NSMAF: variants seen among roughly 807,000 people sequenced by gnomAD.
NSMAF encodes protein FAN.
Under a neutral mutation model 134.9 loss-of-function variants are expected in NSMAF, and 90 were observed. The observed-to-expected ratio is 0.67, with a 90% confidence interval of 0.56 to 0.79. NSMAF has a LOEUF of 0.79. NSMAF is among the 30% of genes least tolerant of loss of function. The probability of loss-of-function intolerance (pLI) is 0.00; values close to 1 mark genes in which losing one functional copy is unlikely to be tolerated. For missense variants in NSMAF, 1,010 were observed against 1,119.0 expected, an observed-to-expected ratio of 0.90 and a Z score of 1.39; for synonymous variants, 358 against 389.6, an observed-to-expected ratio of 0.92 and a Z score of 0.96.
intron 2 of NSMAF, among the ~76,000 whole-genome samples, chr8:58,635,879 A>T (rs1807163032): frequency 6.6e-6 from 1 of 152,194 alleles, no homozygotes; most frequent in South Asian, 2.1e-4. Flanking sequence ...CAGACTGAGA[A>T]TGCCTACACT....
In NSMAF at chr8:58,623,279, A is replaced by C. The variant is rs1028071780; in HGVS notation, c.505-7T>G. 2 of 1,605,920 alleles carry C rather than the reference A, an allele frequency of 1.2e-6. No homozygotes were observed. Among genetic ancestry groups the C allele is most frequent in the South Asian group, 1.1e-5 (1 of 90,470 alleles). ...ACTGCAAAATAGCTGTTATCTATTA[A>C]AACAGAACCAGAAAAAAAGTATTTA... On this transcript the variant is annotated splice_polypyrimidine_tract_variant and splice_region_variant and intron_variant, in intron 8 of 30. Coordinates refer to ENST00000038176, the MANE Select transcript of NSMAF (RefSeq NM_003580.4).
At chr8:58,643,551 G>A (rs1293848657) in intron 1 of NSMAF, among the ~76,000 whole-genome samples, 1 of 143,996 alleles carries the variant, frequency 6.9e-6, no homozygotes, top group Non-Finnish European at 1.5e-5. Flanking sequence ...TTTTTTTTTG[G>A]GACGGAGTTT....
At chr8:58,587,499 T>G in intron 27 of NSMAF, 119 bp downstream of exon 27, 1 of 695,328 alleles carries the variant, frequency 1.4e-6, no homozygotes, top group Non-Finnish European at 2.5e-6. Context: ...AGATTTAGCC[T>G]ATAATCTTCC....
intron 1 of NSMAF, among the ~76,000 whole-genome samples, chr8:58,646,024 A>T (rs373143944): frequency 4.6e-5 from 7 of 152,284 alleles, no homozygotes; most frequent in African/African-American, 1.7e-4. Context: ...CTAGGCAACA[A>T]GAGCGAGACT....
Position 58,587,698 on chromosome 8 carries a change from A to C in NSMAF, c.2215T>G (p.Trp739Gly). The change falls in exon 27 of 31, where the codon TGG (tryptophan) becomes GGG (glycine). Residue 739 changes from tryptophan to glycine, a missense_variant. Physicochemically the swap from Trp to Gly is radical, Grantham distance 184. Transcript: ENST00000038176. ...SASWDSTVKV[W>G]SGVPAEMPGT... ...GGCATCTCTGCAGGAACACCAGACC[A>C]CACCTAGGATGGAACATATTGCAGA... is the stretch of plus-strand genomic sequence containing the variant. The C allele has an allele frequency of 1.2e-6, 2 of 1,613,854 alleles. No individual in the cohort carries two copies. The highest frequency in any genetic ancestry group is 1.7e-6 in the Non-Finnish European group (2 of 1,179,776).
At chr8:58,655,968 G>T (rs1807698508) in intron 1 of NSMAF, among the ~76,000 whole-genome samples, 1 of 151,896 alleles carries the variant, frequency 6.6e-6, no homozygotes, top group African/African-American at 2.4e-5. Context: ...ACCTGCACAG[G>T]ACATTTTTAA....
chr8:58,648,876 G>A (rs1807519238), intron 1 of NSMAF, among the ~76,000 whole-genome samples: 1 of 152,236 alleles, frequency 6.6e-6, no homozygotes, highest in Non-Finnish European at 1.5e-5. Flanking sequence ...TACAAGGATG[G>A]GGCCCATACA....
In NSMAF at chr8:58,603,650, G is replaced by A. The variant is rs143916762; in HGVS notation, c.869-264C>T. Among the ~76,000 whole-genome samples the A allele has an allele frequency of 3.9e-5, 6 of 152,202 alleles. No homozygotes were observed. The East Asian group carries it at 1.2e-3, about 29-fold the overall frequency. ...TGACATAACCTAAACAAATACAAAA[G>A]TGTAGCGCAAATATATAAATATTAC... is the stretch of plus-strand genomic sequence containing the variant. On this transcript the variant is annotated intron_variant, in intron 12 of 30. Coordinates refer to ENST00000038176, the MANE Select transcript of NSMAF (RefSeq NM_003580.4).
rs532814372 is a variant in NSMAF at position 58,623,158 on chromosome 8, T to G, written c.557+62A>C. On this transcript the variant is annotated intron_variant, in intron 9 of 30. Coordinates refer to ENST00000038176, the MANE Select transcript of NSMAF (RefSeq NM_003580.4). ...TGACAGCAGGCTTGGATTTGCTGAA[T>G]GAGGCATACAGATGAAAATGTCCAC... The G allele has an allele frequency of 1.7e-5, 21 of 1,248,908 alleles. No individual in the cohort carries two copies. In the East Asian group the frequency reaches 4.4e-4, roughly 26 times the overall value. The allele number at this position is 1,248,908 out of a possible 1,614,324, so 77.4% of individuals were successfully genotyped here.
intron 26 of NSMAF, chr8:58,588,756 C>A: frequency 7.6e-7 from 1 of 1,323,624 alleles, no homozygotes; most frequent in South Asian, 1.2e-5. Context: ...TCCTTCTTTT[C>A]TTTGTCATCT....
intron 13 of NSMAF, 57 bp from the exon 14 acceptor site, chr8:58,602,194 G>T: frequency 1.5e-6 from 2 of 1,344,762 alleles, no homozygotes; most frequent in Non-Finnish European, 2.1e-6. Flanking sequence ...TTAACCTCCT[G>T]AATTAATTCA....
chr8:58,588,244 C>T (rs976737107), intron 26 of NSMAF, among the ~76,000 whole-genome samples: 18 of 151,536 alleles, frequency 1.2e-4, no homozygotes, highest in African/African-American at 3.6e-4. Flanking sequence ...ATTCCTACAT[C>T]GAAAGAATGG....
At position 58,591,864 on chromosome 8, in the gene NSMAF, T is replaced by C. The variant is rs546309578; in HGVS notation, c.1952-930A>G. 8.5e-5 allele frequency among the ~76,000 whole-genome samples: 13 copies of C among 152,296 alleles called. No individual in the cohort carries two copies. The South Asian group carries it at 1.9e-3, about 22-fold the overall frequency. On this transcript the variant is annotated intron_variant, in intron 23 of 30. Coordinates refer to ENST00000038176, the MANE Select transcript of NSMAF (RefSeq NM_003580.4). ...CTTCAGACATCCTATATTTGAGATA[T>C]GTAACAATCTATTTTCTAACTTACA...
intron 1 of NSMAF, among the ~76,000 whole-genome samples, chr8:58,652,434 C>A (rs1807606843): frequency 6.6e-6 from 1 of 152,190 alleles, no homozygotes; most frequent in South Asian, 2.1e-4. Flanking sequence ...CAATCAAGAA[C>A]AAACTCTGCC....
intron 9 of NSMAF, among the ~76,000 whole-genome samples, chr8:58,610,938 C>G (rs891482563): frequency 1.2e-4 from 18 of 152,278 alleles, no homozygotes; most frequent in South Asian, 4.1e-4. Flanking sequence ...AATTTAACCA[C>G]AGGTGCAACA....
In NSMAF at chr8:58,599,234, T is replaced by C. The variant is rs759710942; in HGVS notation, c.1583A>G (p.Asn528Ser). The change falls in exon 19 of 31, where the codon AAT becomes AGT. Residue 528 changes from asparagine to serine, a missense_variant and splice_region_variant. Coordinates refer to ENST00000038176, the MANE Select transcript of NSMAF (RefSeq NM_003580.4). ...AAATTTCAATGAATATTACATACCA[T>C]TATGGGCCCCAACTGCATCACTCCC... is the stretch of plus-strand genomic sequence containing the variant. ...QKGSDAVGAHNVFHPLTYEGG... is the reference protein window; with the variant it reads ...QKGSDAVGAHSVFHPLTYEGG... 2 of 1,612,882 alleles carry C rather than the reference T, an allele frequency of 1.2e-6. No individual in the cohort carries two copies. The highest frequency in any genetic ancestry group is 1.7e-6 in the Non-Finnish European group (2 of 1,179,268).
intron 26 of NSMAF, 37 bp downstream of exon 26, chr8:58,589,415 C>T (rs758650420): frequency 1.4e-6 from 2 of 1,415,400 alleles, no homozygotes; most frequent in Non-Finnish European, 9.2e-7. Context: ...CCATATAGCA[C>T]ACCAAGTTAA....
chr8:58,626,166 T>C (rs1465591168), intron 6 of NSMAF, among the ~76,000 whole-genome samples: 1 of 150,370 alleles, frequency 6.7e-6, no homozygotes, highest in Admixed American at 6.6e-5. Flanking sequence ...TGGCGCGATC[T>C]TGGCTCTCTG....
chr8:58,599,903 A>ACAAACATGT (rs1435362123), intron 17 of NSMAF, 33 bp from the exon 18 acceptor site: 2 of 1,613,394 alleles, frequency 1.2e-6, no homozygotes, highest in Admixed American at 1.7e-5. Context: ...AAAAAGAACA[A>ACAAACATGT]CAAACATGTT....
Sources: allele counts gnomAD v4.1 joint callset (sites outside exome capture counted in the v4.1 genomes callset), GRCh38; gene constraint gnomAD v4.1.1; transcripts MANE v1.5; gene names NCBI Gene and HGNC (gene_info 2026-07-23, HGNC 2026-07-21).